CREG1: variants seen among roughly 807,000 people sequenced by gnomAD.
CREG1 encodes protein CREG1.
In CREG1, 20 loss-of-function variants were observed where a neutral mutation model predicts 19.9. The observed-to-expected ratio is 1.01, with a 90% CI of 0.71 to 1.46. The LOEUF (loss-of-function observed/expected upper bound fraction) is 1.46. Among genes scored for constraint, CREG1 ranks in the 40% most tolerant of loss-of-function variants. The probability of loss-of-function intolerance (pLI) is 0.00; values close to 1 mark genes in which losing one functional copy is unlikely to be tolerated. For synonymous variants in CREG1, 141 were observed against 143.3 expected, an observed-to-expected ratio of 0.98 and a Z score of 0.12; for missense variants, 290 against 314.9, an observed-to-expected ratio of 0.92 and a Z score of 0.60.
At chr1:167,550,972 T>C (rs1247762290) in intron 1 of CREG1, among the ~76,000 whole-genome samples, 1 of 152,058 alleles carries the variant, frequency 6.6e-6, no homozygotes, top group African/African-American at 2.4e-5. Context: ...AAGAAAAGAA[T>C]GCCAAAATGG....
chr1:167,551,174 C>T (rs987685293), intron 1 of CREG1, among the ~76,000 whole-genome samples: 6 of 152,134 alleles, frequency 3.9e-5, no homozygotes, highest in African/African-American at 1.2e-4. Flanking sequence ...GTGGTAAGTA[C>T]GTTTGAAGCT....
chr1:167,549,874 A>G (rs1313366528), intron 1 of CREG1, among the ~76,000 whole-genome samples: 1 of 151,804 alleles, frequency 6.6e-6, no homozygotes, highest in Non-Finnish European at 1.5e-5. Context: ...TTTTGTAGAC[A>G]TGGAGTTTCA....
chr1:167,542,337 A>G, intron 3 of CREG1, 36 bp from the exon 4 acceptor site: 8 of 1,581,156 alleles, frequency 5.1e-6, no homozygotes, highest in Non-Finnish European at 6.9e-6. Context: ...ATTTTGTTAA[A>G]CTGGGTTAAC....
Position 167,553,448 on chromosome 1 carries a change from C to A in CREG1, c.294G>T (p.Ala98=), listed in dbSNP as rs780115939. The A allele has an allele frequency of 2.0e-6, 3 of 1,481,088 alleles. No homozygotes were observed. The South Asian group carries it at 3.8e-5, about 19-fold the overall frequency. The allele number at this position is 1,481,088 out of a possible 1,614,324, so 91.7% of individuals were successfully genotyped here. The change falls in exon 1 of 4, where the codon GCG becomes GCT. Residue 98 remains alanine (A), a synonymous_variant. Coordinates refer to ENST00000370509, the MANE Select transcript of CREG1 (RefSeq NM_003851.3). ...GGTAGAAATAGGGCACGCCGCTGCC[C>A]GCGCCCGGGGGCCCGTCGCTGAGCG... is the stretch of plus-strand genomic sequence containing the variant. ...VLSLSDGPPG[A]GSGVPYFYLS...
At chr1:167,548,175 A>C in intron 1 of CREG1, 54 bp from the exon 2 acceptor site, 3 of 1,491,944 alleles carry the variant, frequency 2.0e-6, no homozygotes, top group Non-Finnish European at 2.8e-6. Context: ...CTGGAGAGGT[A>C]ATAAATTTCA....
At chr1:167,552,914 G>C (rs892997290) in intron 1 of CREG1, among the ~76,000 whole-genome samples, 1 of 152,060 alleles carries the variant, frequency 6.6e-6, no homozygotes, top group South Asian at 2.1e-4. Flanking sequence ...GGGTGTGGTG[G>C]CACGCACCTG....
In CREG1 at chr1:167,542,573, G is replaced by A. The variant is rs564530044; in HGVS notation, c.660-272C>T. On this transcript the variant is annotated intron_variant, in intron 3 of 3. Coordinates refer to ENST00000370509, the MANE Select transcript of CREG1 (RefSeq NM_003851.3). Reference sequence around the variant, plus strand: ...GTATGATTCTGACACACTGATAAACGCTACTAGGATGTAGCAAGAAGCAGG... The same window carrying A: ...GTATGATTCTGACACACTGATAAACACTACTAGGATGTAGCAAGAAGCAGG... Among the ~76,000 whole-genome samples, 276 of 152,306 alleles carry A rather than the reference G, an allele frequency of 1.8e-3. 2 individuals are homozygous for A. Among genetic ancestry groups the A allele is most frequent in the African/African-American group, 6.4e-3 (266 of 41,576 alleles).
At chr1:167,544,993 T>C (rs1209515239) in intron 3 of CREG1, among the ~76,000 whole-genome samples, 1 of 152,198 alleles carries the variant, frequency 6.6e-6, no homozygotes, top group African/African-American at 2.4e-5. Context: ...AGTTACACTC[T>C]TCTTTCCTTT....
At chr1:167,550,855 A>G (rs937132445) in intron 1 of CREG1, among the ~76,000 whole-genome samples, 1 of 152,182 alleles carries the variant, frequency 6.6e-6, no homozygotes, top group Non-Finnish European at 1.5e-5. Flanking sequence ...TCTTCTGAGG[A>G]TCGCTGCAGG....
intron 3 of CREG1, among the ~76,000 whole-genome samples, chr1:167,543,509 T>C (rs535390245): frequency 8.5e-5 from 13 of 152,330 alleles, no homozygotes; most frequent in African/African-American, 1.4e-4. Context: ...CCAAGCAAGG[T>C]GGCTGCCAAT....
At chr1:167,546,066 C>T (rs754740325) in intron 3 of CREG1, 35 bp downstream of exon 3, 55 of 1,537,196 alleles carry the variant, frequency 3.6e-5, no homozygotes, top group Non-Finnish European at 3.3e-5. Context: ...GCTGTAAGGG[C>T]GGCAATCTTA....
intron 1 of CREG1, among the ~76,000 whole-genome samples, chr1:167,551,191 A>AT (rs528970282): frequency 1.9e-4 from 29 of 152,328 alleles, no homozygotes; most frequent in African/African-American, 7.0e-4. Flanking sequence ...AGCTCACAAC[A>AT]TATCTCTAAG....
At chr1:167,550,095 T>C (rs1462911823) in intron 1 of CREG1, among the ~76,000 whole-genome samples, 1 of 152,228 alleles carries the variant, frequency 6.6e-6, no homozygotes, top group East Asian at 1.9e-4. Context: ...GCTCAACTGA[T>C]GCTCTCAACT....
intron 3 of CREG1, among the ~76,000 whole-genome samples, chr1:167,545,866 C>T (rs571827902): frequency 6.6e-5 from 10 of 151,726 alleles, no homozygotes; most frequent in East Asian, 1.9e-4. Context: ...ATTAATAAAA[C>T]GATTATACCA....
At chr1:167,549,542 G>A (rs7513891) in intron 1 of CREG1, among the ~76,000 whole-genome samples, 12,179 of 151,882 alleles carry the variant, frequency 0.08, 697 homozygotes, top group East Asian at 0.26. Flanking sequence ...GTGCCACCAC[G>A]CCCAGCTGAT....
At chr1:167,544,191 A>C (rs1656277642) in intron 3 of CREG1, among the ~76,000 whole-genome samples, 1 of 152,192 alleles carries the variant, frequency 6.6e-6, no homozygotes, top group African/African-American at 2.4e-5. Flanking sequence ...CAGCAAAACA[A>C]GCGCCAGGAC....
chr1:167,543,246 CAAA>C (rs11305702), intron 3 of CREG1, among the ~76,000 whole-genome samples: 4 of 142,040 alleles, frequency 2.8e-5, no homozygotes, highest in Non-Finnish European at 4.6e-5. Flanking sequence ...GACTCCATCT[CAAA>C]AAAAAAAAAA....
intron 2 of CREG1, 70 bp downstream of exon 2, chr1:167,547,932 G>T (rs769982769): frequency 6.9e-5 from 104 of 1,513,566 alleles, no homozygotes; most frequent in Non-Finnish European, 9.0e-5. Flanking sequence ...AAAGAAAAAT[G>T]ATCTATTCTT....
chr1:167,543,246 CAA>C (rs11305702), intron 3 of CREG1, among the ~76,000 whole-genome samples: 272 of 141,866 alleles, frequency 1.9e-3, no homozygotes, highest in Middle Eastern at 3.5e-3. Flanking sequence ...GACTCCATCT[CAA>C]AAAAAAAAAA....
Sources: allele counts gnomAD v4.1 joint callset (sites outside exome capture counted in the v4.1 genomes callset), GRCh38; gene constraint gnomAD v4.1.1; transcripts MANE v1.5; gene names NCBI Gene and HGNC (gene_info 2026-07-23, HGNC 2026-07-21).